The following EMILIN2 variants were observed in gnomAD, a reference collection of about 807,000 sequenced individuals.
EMILIN2 encodes the protein elastin microfibril interfacer 2.
Under a neutral mutation model 87.1 loss-of-function variants are expected in EMILIN2, and 71 were observed. The ratio of observed to expected loss-of-function variants is 0.82; its 90% CI spans 0.67 to 0.99. EMILIN2 has a LOEUF of 0.99. EMILIN2 is among the 50% of genes least tolerant of loss of function. The pLI, the probability that EMILIN2 is intolerant of heterozygous loss-of-function variation, is 0.00. For missense variants in EMILIN2, 1,407 were observed against 1,371.8 expected (o/e 1.03, Z -0.40); for synonymous variants, 581 against 563.4 (o/e 1.03, Z -0.44).
intron 2 of EMILIN2, among the ~76,000 whole-genome samples, chr18:2,877,622 C>CA (rs1454375498): frequency 6.6e-6 from 1 of 151,554 alleles, no homozygotes; most frequent in African/African-American, 2.4e-5. Context: ...ACTAAAAATA[C>CA]AAAAAATTAG....
At chr18:2,909,102 C>A in intron 6 of EMILIN2, 127 bp downstream of exon 6, 1 of 1,158,222 alleles carries the variant, frequency 8.6e-7, no homozygotes, top group Non-Finnish European at 1.3e-6. Context: ...AGCCCTTCCC[C>A]ACCCACCAGC....
At position 2,892,132 on chromosome 18, in the gene EMILIN2, C is replaced by T; in HGVS notation, c.2005C>T (p.Gln669Ter). The change falls in exon 4 of 8, where the codon CAG becomes TAG. Residue 669 changes from glutamine to a stop codon, truncating the protein, a stop_gained. Coordinates refer to ENST00000254528, the MANE Select transcript of EMILIN2 (RefSeq NM_032048.3). LOFTEE classifies it high-confidence loss of function. The stretch of plus-strand genomic sequence containing the variant: ...GCACCCCGTGGCTCATTGCTGCAGT[C>T]AGCTGGAGGAGAGGTGGCAGAGGTT... ...PQHPVAHCCS[Q>*]LEERWQRLQS... 1.2e-6 allele frequency: 2 copies of T among 1,610,314 alleles called. No homozygotes were observed. Among genetic ancestry groups the T allele is most frequent in the Non-Finnish European group, 1.7e-6 (2 of 1,177,428 alleles).
chr18:2,891,233 T>C lies in EMILIN2; in HGVS notation c.1106T>C (p.Ile369Thr), dbSNP rs377381228. Residue 369 changes from isoleucine to threonine, a missense_variant, in exon 4 of 8, where the codon ATA becomes ACA. Transcript: ENST00000254528. The surrounding 1 kb of genome is among the most constrained non-coding windows in gnomAD (Gnocchi z 4.6). ...GSSYLGVIELIGEKETSLRKE... is the reference protein window; with the variant it reads ...GSSYLGVIELTGEKETSLRKE... Reference sequence around the variant, plus strand: ...AGCTACCTGGGAGTGATAGAGCTCATAGGGGAGAAGGAAACAAGCCTGAGA... The same window carrying C: ...AGCTACCTGGGAGTGATAGAGCTCACAGGGGAGAAGGAAACAAGCCTGAGA... 38 of 1,614,060 alleles carry C rather than the reference T, an allele frequency of 2.4e-5. No individual in the cohort carries two copies. The highest frequency in any genetic ancestry group is 2.9e-5 in the Non-Finnish European group (34 of 1,180,032).
intron 4 of EMILIN2, chr18:2,906,492 G>GA (rs397830076): frequency 6.7e-6 from 1 of 149,882 alleles, no homozygotes; most frequent in African/African-American, 2.3e-4. Flanking sequence ...GGGAATTGTT[G>GA]ATGCCGGAGC....
rs140313171 is a variant in EMILIN2, at chr18:2,876,978, A to G, written c.258-7986A>G. On this transcript the variant is annotated intron_variant, in intron 2 of 7. Transcript: ENST00000254528. ...ATGTTATTAATTTCTCCATGTAGAG[A>G]TCTGATTAAAATATGTGATGTAGCA... 2.7e-3 allele frequency among the ~76,000 whole-genome samples: 406 copies of G among 152,332 alleles called. 2 individuals carry two copies. The highest frequency in any genetic ancestry group is 9.2e-3 in the African/African-American group (382 of 41,566).
intron 2 of EMILIN2, among the ~76,000 whole-genome samples, chr18:2,878,015 G>A (rs1204309917): frequency 6.6e-6 from 1 of 152,224 alleles, no homozygotes; most frequent in Non-Finnish European, 1.5e-5. Context: ...CATGGAGAAT[G>A]TACAGTGGTG....
chr18:2,858,605 G>GTATA (rs552199862), intron 2 of EMILIN2, among the ~76,000 whole-genome samples: 1,666 of 86,140 alleles, frequency 0.019, 307 homozygotes, highest in African/African-American at 0.12. Context: ...ATATATATGT[G>GTATA]TATATATATA....
At chr18:2,892,794 G>A (rs1372925017) in intron 4 of EMILIN2, among the ~76,000 whole-genome samples, 1 of 150,620 alleles carries the variant, frequency 6.6e-6, no homozygotes, top group Non-Finnish European at 1.5e-5. Flanking sequence ...GCTCATGCCT[G>A]TAATCCCAGC....
rs77033241 is a variant in EMILIN2, at chr18:2,895,937, G to A, written c.2359+3451G>A. Among the ~76,000 whole-genome samples the A allele has an allele frequency of 3.9e-5, 6 of 152,148 alleles. No homozygotes were observed. In the East Asian group the frequency reaches 5.8e-4, roughly 15 times the overall value. On this transcript the variant is annotated intron_variant, in intron 4 of 7. Transcript: ENST00000254528. ...ATGGTTTTGGACCAGTAAGCAGATC[G>A]CCAGACCGGGAACACACACTGTGGT...
At chr18:2,853,595 T>A (rs536971929) in intron 2 of EMILIN2, among the ~76,000 whole-genome samples, 2 of 152,324 alleles carry the variant, frequency 1.3e-5, no homozygotes, top group East Asian at 3.9e-4. Context: ...TTTCCATTCT[T>A]ATAGCAACCC....
chr18:2,857,605 G>A (rs1047269081), intron 2 of EMILIN2, among the ~76,000 whole-genome samples: 1 of 152,034 alleles, frequency 6.6e-6, no homozygotes, highest in Non-Finnish European at 1.5e-5. Flanking sequence ...GGCGTGGGAC[G>A]AGTTTTGCAA....
intron 4 of EMILIN2, among the ~76,000 whole-genome samples, chr18:2,900,652 C>T (rs535726919): frequency 4.3e-5 from 6 of 138,986 alleles, no homozygotes; most frequent in African/African-American, 1.6e-4. Context: ...TCGAAAAAGC[C>T]CCTTTATCTA....
intron 6 of EMILIN2, among the ~76,000 whole-genome samples, chr18:2,909,434 T>A (rs1259667067): frequency 1.3e-5 from 2 of 152,220 alleles, no homozygotes; most frequent in African/African-American, 4.8e-5. Flanking sequence ...TCATCTCATA[T>A]GCTTACATGC....
chr18:2,912,247 G>T (rs997247082), intron 7 of EMILIN2, among the ~76,000 whole-genome samples: 18 of 151,910 alleles, frequency 1.2e-4, no homozygotes, highest in African/African-American at 4.4e-4. Flanking sequence ...ATCCGTGTTG[G>T]CCAGGCTGGT....
At chr18:2,875,991 T>C (rs1217071891) in intron 2 of EMILIN2, among the ~76,000 whole-genome samples, 1 of 150,696 alleles carries the variant, frequency 6.6e-6, no homozygotes, top group African/African-American at 2.4e-5. Context: ...TTTTTTTTTT[T>C]TTTTTTTTGA....
chr18:2,893,866 C>G (rs2076851402), intron 4 of EMILIN2, among the ~76,000 whole-genome samples: 1 of 152,126 alleles, frequency 6.6e-6, no homozygotes, highest in African/African-American at 2.4e-5. Flanking sequence ...AGGCTGCGTC[C>G]AAGAATTGTT....
chr18:2,854,335 A>C (rs1403669568), intron 2 of EMILIN2, among the ~76,000 whole-genome samples: 2 of 152,118 alleles, frequency 1.3e-5, no homozygotes, highest in African/African-American at 4.8e-5. Context: ...CTGCTGAGAT[A>C]AGGCCTGCCA....
chr18:2,856,562 G>C (rs1004989612), intron 2 of EMILIN2, among the ~76,000 whole-genome samples: 1 of 152,176 alleles, frequency 6.6e-6, no homozygotes, highest in Non-Finnish European at 1.5e-5. Context: ...AACATGTGCT[G>C]CGTGTACATA....
rs1375794280 is a variant in EMILIN2, at chr18:2,915,842, T to A, written c.*2438T>A. On this transcript the variant is annotated 3_prime_UTR_variant, in exon 8 of 8. Coordinates refer to ENST00000254528, the MANE Select transcript of EMILIN2 (RefSeq NM_032048.3). Reference sequence around the variant, plus strand: ...CCAGCCAAGTTCACAACTTCTGATATCAAGTTGTTGCTGAGAAAAGGTCAG... The same window carrying A: ...CCAGCCAAGTTCACAACTTCTGATAACAAGTTGTTGCTGAGAAAAGGTCAG... 2.0e-5 allele frequency: 3 copies of A among 152,138 alleles called. No homozygotes were observed. The highest frequency in any genetic ancestry group is 4.4e-5 in the Non-Finnish European group (3 of 68,062). The allele number at this position is 152,138 out of a possible 1,614,324, so 9.4% of individuals were successfully genotyped here. A position where few individuals can be genotyped will look rare whatever the true frequency, so the allele number is the denominator to read the frequency against.
Sources: allele counts gnomAD v4.1 joint callset (sites outside exome capture counted in the v4.1 genomes callset), GRCh38; gene constraint gnomAD v4.1.1; non-coding constraint Gnocchi (gnomAD v3.1); transcripts MANE v1.5; gene names NCBI Gene and HGNC (gene_info 2026-07-23, HGNC 2026-07-21).